The following ERBB4 variants were observed in gnomAD, a reference collection of about 807,000 sequenced individuals.
The protein encoded by ERBB4 is receptor tyrosine-protein kinase erbB-4.
A neutral mutation model predicts 158.0 loss-of-function variants in ERBB4; 42 were observed. The ratio of observed to expected loss-of-function variants is 0.27; its 90% CI spans 0.21 to 0.34. The LOEUF (loss-of-function observed/expected upper bound fraction) is 0.34. Among genes scored for constraint, ERBB4 ranks in the 10% least tolerant of loss-of-function variants. The pLI is 1.00. For missense variants in ERBB4, 1,333 were observed against 1,624.1 expected (o/e 0.82, Z 3.08); for synonymous variants, 583 against 558.7 (o/e 1.04, Z -0.61).
chr2:212,374,825 C>T (rs10186681), intron 1 of ERBB4, among the ~76,000 whole-genome samples: 29,769 of 151,668 alleles, frequency 0.2, 3,097 homozygotes, highest in South Asian at 0.26. Context: ...TACTCTGTGG[C>T]ACAATCATAG....
chr2:212,517,475 A>T (rs1175976094), intron 1 of ERBB4, among the ~76,000 whole-genome samples: 1 of 152,138 alleles, frequency 6.6e-6, no homozygotes, highest in South Asian at 2.1e-4. Context: ...CACCATTATT[A>T]TCAATGATTA....
At chr2:211,641,014 A>G (rs1243120969) in intron 16 of ERBB4, among the ~76,000 whole-genome samples, 1 of 152,136 alleles carries the variant, frequency 6.6e-6, no homozygotes, top group Non-Finnish European at 1.5e-5. Context: ...TTGAAGTGCT[A>G]AAGGGTATCC....
At chr2:212,016,139 CAT>C (rs141785829) in intron 2 of ERBB4, among the ~76,000 whole-genome samples, 4,640 of 148,516 alleles carry the variant, frequency 0.031, 94 homozygotes, top group African/African-American at 0.05. Context: ...AATGACTAGA[CAT>C]ATATATATAT....
intron 3 of ERBB4, among the ~76,000 whole-genome samples, chr2:211,800,252 T>C (rs1340321313): frequency 6.6e-6 from 1 of 152,164 alleles, no homozygotes; most frequent in Non-Finnish European, 1.5e-5. Flanking sequence ...ATTGTGTGAA[T>C]ACTTATAATG....
chr2:212,001,341 A>T (rs971808177), intron 2 of ERBB4, among the ~76,000 whole-genome samples: 8 of 152,084 alleles, frequency 5.3e-5, no homozygotes. Context: ...GTGTGTCCTT[A>T]GATTACTATA....
At chr2:212,204,613 C>T (rs923566903) in intron 1 of ERBB4, among the ~76,000 whole-genome samples, 5 of 151,184 alleles carry the variant, frequency 3.3e-5, no homozygotes, top group South Asian at 2.1e-4. Context: ...ACAAGAATTG[C>T]GTGAACCTTG....
chr2:212,206,068 G>T (rs1038767385), intron 1 of ERBB4, among the ~76,000 whole-genome samples: 2 of 152,064 alleles, frequency 1.3e-5, no homozygotes, highest in Admixed American at 1.3e-4. Context: ...ATTTGTGTTG[G>T]TATTAGCAGG....
At chr2:211,625,029 G>A (rs972482170) in intron 17 of ERBB4, among the ~76,000 whole-genome samples, 1 of 151,506 alleles carries the variant, frequency 6.6e-6, no homozygotes, top group African/African-American at 2.4e-5. Context: ...TGAATGAGAA[G>A]GGGGCAAGTA....
chr2:211,694,071 C>T (rs2072920615), intron 12 of ERBB4, among the ~76,000 whole-genome samples: 1 of 152,116 alleles, frequency 6.6e-6, no homozygotes, highest in African/African-American at 2.4e-5. Flanking sequence ...AGGACCTACC[C>T]TGCTCCAGTA....
chr2:212,164,072 G>A (rs1421549005), intron 1 of ERBB4, among the ~76,000 whole-genome samples: 1 of 152,032 alleles, frequency 6.6e-6, no homozygotes, highest in East Asian at 1.9e-4. Flanking sequence ...AAAGTGCTGG[G>A]ATGATAGGTG....
chr2:211,478,523 A>G (rs961841619), intron 20 of ERBB4, among the ~76,000 whole-genome samples: 2 of 152,158 alleles, frequency 1.3e-5, no homozygotes, highest in Non-Finnish European at 2.9e-5. Context: ...TTCCAGAAGT[A>G]AAGTCATTTC....
intron 20 of ERBB4, among the ~76,000 whole-genome samples, chr2:211,510,518 A>T (rs1445201109): frequency 6.6e-6 from 1 of 152,116 alleles, no homozygotes; most frequent in East Asian, 1.9e-4. Context: ...GACTCTTTAG[A>T]TGATTCCTAC....
At chr2:212,231,797 A>G (rs1293779075) in intron 1 of ERBB4, among the ~76,000 whole-genome samples, 1 of 152,218 alleles carries the variant, frequency 6.6e-6, no homozygotes, top group Non-Finnish European at 1.5e-5. Flanking sequence ...AAGTCTTGCA[A>G]TCAACTAGGA....
At chr2:211,632,011 C>T (rs1411902155) in intron 16 of ERBB4, among the ~76,000 whole-genome samples, 1 of 151,930 alleles carries the variant, frequency 6.6e-6, no homozygotes, top group East Asian at 1.9e-4. Flanking sequence ...ATCTGCGTAA[C>T]TTCTTCTATA....
chr2:212,055,352 GTAGACT>G (rs1034810583), intron 2 of ERBB4, among the ~76,000 whole-genome samples: 13 of 152,234 alleles, frequency 8.5e-5, no homozygotes, highest in African/African-American at 2.9e-4. Flanking sequence ...CCGTGCTTCT[GTAGACT>G]CCACCTCTGG....
chr2:211,820,932 T>C (rs2076981917), intron 3 of ERBB4, among the ~76,000 whole-genome samples: 1 of 151,730 alleles, frequency 6.6e-6, no homozygotes, highest in Non-Finnish European at 1.5e-5. Flanking sequence ...AAAACAATTA[T>C]GCCAAACTCA....
intron 14 of ERBB4, among the ~76,000 whole-genome samples, chr2:211,669,652 A>G (rs2071764811): frequency 6.6e-6 from 1 of 152,214 alleles, no homozygotes; most frequent in Non-Finnish European, 1.5e-5. Context: ...TTTTATTTCC[A>G]ATCTATCCCT....
chr2:211,388,652 T>G (rs542612318), intron 25 of ERBB4, among the ~76,000 whole-genome samples: 1 of 152,080 alleles, frequency 6.6e-6, no homozygotes, highest in African/African-American at 2.4e-5. Context: ...AGATTCCCCT[T>G]ATGGTATTTA....
chr2:211,478,338 T>A (rs1034064771), intron 20 of ERBB4, among the ~76,000 whole-genome samples: 1 of 152,166 alleles, frequency 6.6e-6, no homozygotes, highest in Non-Finnish European at 1.5e-5. Context: ...AAAAAAGTGA[T>A]AGTATAGTTT....
Sources: gnomAD v4.1 joint callset for allele counts (sites outside exome capture counted in the v4.1 genomes callset) on GRCh38, gnomAD v4.1.1 for gene constraint, MANE v1.5 for transcripts, NCBI Gene and HGNC (gene_info 2026-07-23, HGNC 2026-07-21) for gene names.